The following RFC1 variants were observed in gnomAD, a reference collection of about 807,000 sequenced individuals.
RFC1 encodes A1 140 kDa subunit.
Under a neutral mutation model 137.4 loss-of-function variants are expected in RFC1, and 37 were observed. The ratio of observed to expected loss-of-function variants is 0.27; its 90% CI spans 0.21 to 0.35. RFC1 has a LOEUF of 0.35. RFC1 is among the 10% of genes least tolerant of loss of function. The pLI is 1.00. For missense variants in RFC1, 1,205 were observed against 1,358.5 expected, an observed-to-expected ratio of 0.89 and a Z score of 1.78; for synonymous variants, 429 against 455.7, an observed-to-expected ratio of 0.94 and a Z score of 0.75.
intron 3 of RFC1, 111 bp downstream of exon 3, chr4:39,345,290 C>G: frequency 2.4e-6 from 2 of 821,760 alleles, no homozygotes; most frequent in Non-Finnish European, 3.7e-6. Flanking sequence ...GCTGCGATTG[C>G]GATTACAGGC....
At chr4:39,361,788 C>A (rs1741770530) in intron 1 of RFC1, among the ~76,000 whole-genome samples, 1 of 152,230 alleles carries the variant, frequency 6.6e-6, no homozygotes, top group Non-Finnish European at 1.5e-5. Flanking sequence ...GTGGCTCACG[C>A]CTGTAATCCC....
At chr4:39,350,315 G>A (rs1367924224) in intron 2 of RFC1, among the ~76,000 whole-genome samples, 2 of 151,976 alleles carry the variant, frequency 1.3e-5, no homozygotes, top group Admixed American at 6.6e-5. Context: ...AGAGAATGAG[G>A]CAGAAAAAAT....
chr4:39,323,805 G>A (rs1040877739), intron 6 of RFC1, among the ~76,000 whole-genome samples: 15 of 151,990 alleles, frequency 9.9e-5, no homozygotes, highest in African/African-American at 3.6e-4. Flanking sequence ...AATCATCTGG[G>A]GAGTACAAAA....
At position 39,308,931 on chromosome 4, in the gene RFC1, C is replaced by A. The variant is rs113224538; in HGVS notation, c.1590G>T (p.Arg530Ser). ...SKKESESKKS[R>S]PTSKRDSLAK... ...CCAAACTGTCCCTTTTGGAAGTCGG[C>A]CTGCTCTTTTTAGATTCTGATTCCT... The change falls in exon 13 of 25, where the codon AGG (arginine) becomes AGT (serine). Residue 530 changes from arginine (R) to serine (S), a missense_variant. Transcript: ENST00000349703. 5 of 1,614,112 alleles carry A rather than the reference C, an allele frequency of 3.1e-6. No homozygotes were observed. The highest frequency in any genetic ancestry group is 3.4e-6 in the Non-Finnish European group (4 of 1,180,024).
At chr4:39,314,358 C>T (rs529985811) in intron 10 of RFC1, among the ~76,000 whole-genome samples, 1 of 152,260 alleles carries the variant, frequency 6.6e-6, no homozygotes, top group Admixed American at 6.5e-5. Context: ...ATATCCCAAA[C>T]ATCTATTATC....
chr4:39,359,438 TA>T (rs1741639261), intron 1 of RFC1, among the ~76,000 whole-genome samples: 1 of 152,234 alleles, frequency 6.6e-6, no homozygotes, highest in Non-Finnish European at 1.5e-5. Flanking sequence ...TGGAAACTAT[TA>T]TTCTAAGTGA....
At chr4:39,310,480 C>T (rs998373238) in intron 12 of RFC1, among the ~76,000 whole-genome samples, 11 of 152,158 alleles carry the variant, frequency 7.2e-5, no homozygotes, top group African/African-American at 2.4e-4. Context: ...ACCATCTTGC[C>T]ATTTGGGTGA....
At chr4:39,348,109 C>A (rs947819396) in intron 2 of RFC1, among the ~76,000 whole-genome samples, 1 of 151,986 alleles carries the variant, frequency 6.6e-6, no homozygotes, top group African/African-American at 2.4e-5. Context: ...AAATTCTCAG[C>A]CTGTCCGTAT....
rs1560594682 is a variant in RFC1 at position 39,304,834 on chromosome 4, C to T, written c.2090G>A (p.Ser697Asn). 2.5e-6 allele frequency: 4 copies of T among 1,607,768 alleles called. No individual in the cohort carries two copies. The highest frequency in any genetic ancestry group is 3.4e-6 in the Non-Finnish European group (4 of 1,174,270). ...AIVAESLNNT[S>N]IKGFYSNGAA... ...CATACTTGAATAAAAGCCTTTGATG[C>T]TGGTATTGTTCAGTGACTCAGCAAC... The change falls in exon 15 of 25, where the codon AGC becomes AAC. Residue 697 changes from serine to asparagine, a missense_variant. By Grantham distance (46) the Ser-to-Asn change is conservative. Coordinates refer to ENST00000349703, the MANE Select transcript of RFC1 (RefSeq NM_002913.5).
intron 4 of RFC1, among the ~76,000 whole-genome samples, chr4:39,328,149 A>G (rs911685338): frequency 4.7e-5 from 7 of 148,126 alleles, no homozygotes; most frequent in African/African-American, 1.7e-4. Flanking sequence ...TAAACATCCA[A>G]GAACTTAGAG....
intron 1 of RFC1, among the ~76,000 whole-genome samples, chr4:39,362,237 T>C (rs1439451281): frequency 1.3e-5 from 2 of 152,234 alleles, no homozygotes; most frequent in African/African-American, 2.4e-5. Context: ...CAATATTCCC[T>C]AAATTGACCT....
intron 4 of RFC1, among the ~76,000 whole-genome samples, chr4:39,338,377 T>C (rs1740458011): frequency 6.6e-6 from 1 of 152,178 alleles, no homozygotes. Context: ...GAAACCTACA[T>C]TTTTCCTAAA....
chr4:39,326,680 T>C, intron 5 of RFC1, 40 bp from the exon 6 acceptor site: 1 of 1,549,012 alleles, frequency 6.5e-7, no homozygotes, highest in Non-Finnish European at 8.9e-7. Flanking sequence ...AGCATAAACC[T>C]TAAGTTAAAA....
intron 3 of RFC1, among the ~76,000 whole-genome samples, chr4:39,344,408 A>G (rs1296752153): frequency 6.6e-6 from 1 of 152,244 alleles, no homozygotes; most frequent in Middle Eastern, 3.2e-3. Flanking sequence ...CAGTATTCTA[A>G]GGCACTATTT....
rs1237916871 is a variant in RFC1, at chr4:39,288,199, AAGAATT to A, written c.*556_*561del. ...TGCTGTACAAGATGACAATCTTAAA[AAGAATT>A]TGTACACATATCATGTGGAACATTT... On this transcript the variant is annotated 3_prime_UTR_variant, in exon 25 of 25. Transcript: ENST00000349703. The A allele has an allele frequency of 2.6e-5, 4 of 152,240 alleles. No individual in the cohort carries two copies. The highest frequency in any genetic ancestry group is 5.9e-5 in the Non-Finnish European group (4 of 68,060). 9.4% of individuals were successfully genotyped at this position (152,240 alleles called of 1,614,324 possible).
chr4:39,327,254 T>C (rs1361912383), intron 5 of RFC1, among the ~76,000 whole-genome samples: 3 of 152,236 alleles, frequency 2.0e-5, no homozygotes, highest in African/African-American at 7.2e-5. Context: ...GAGTTTCCAT[T>C]CTGAGAACTC....
intron 4 of RFC1, among the ~76,000 whole-genome samples, chr4:39,336,416 A>C (rs966361804): frequency 6.6e-6 from 1 of 152,246 alleles, no homozygotes; most frequent in African/African-American, 2.4e-5. Context: ...CACTCAACTG[A>C]AGTAGACAAG....
Position 39,293,868 on chromosome 4 carries a change from G to A in RFC1, c.2954+1746C>T, listed in dbSNP as rs17288722. On this transcript the variant is annotated intron_variant, in intron 22 of 24. Coordinates refer to ENST00000349703, the MANE Select transcript of RFC1 (RefSeq NM_002913.5). ...AGCAGGAAAACAGCAAGAGGCAGCC[G>A]CAGCCTTGCCAATGAGAAGAGCCAT... Among the ~76,000 whole-genome samples, 630 of 152,272 alleles carry A rather than the reference G, an allele frequency of 4.1e-3. 1 individual carries two copies. The highest frequency in any genetic ancestry group is 5.2e-3 in the Non-Finnish European group (351 of 68,010).
intron 4 of RFC1, among the ~76,000 whole-genome samples, chr4:39,332,907 C>T (rs1740172226): frequency 6.6e-6 from 1 of 152,196 alleles, no homozygotes; most frequent in Non-Finnish European, 1.5e-5. Flanking sequence ...CACTTGAGCC[C>T]AGGAGTTCAA....
Sources: allele counts gnomAD v4.1 joint callset (sites outside exome capture counted in the v4.1 genomes callset), GRCh38; gene constraint gnomAD v4.1.1; transcripts MANE v1.5; gene names NCBI Gene and HGNC (gene_info 2026-07-23, HGNC 2026-07-21).